Variants in CPXM2 observed in about 807,000 individuals in gnomAD.
CPXM2 encodes carboxypeptidase X, M14 family member 2.
A neutral mutation model predicts 86.1 loss-of-function variants in CPXM2; 66 were observed. The ratio of observed to expected loss-of-function variants is 0.77; its 90% confidence interval spans 0.63 to 0.94. The LOEUF is 0.94. CPXM2 is among the 40% of genes least tolerant of loss of function. The probability of loss-of-function intolerance (pLI) is 0.00; values close to 1 mark genes in which losing one functional copy is unlikely to be tolerated. For missense variants in CPXM2, 948 were observed against 1,026.3 expected (o/e 0.92, Z 1.04); for synonymous variants, 388 against 400.2 (o/e 0.97, Z 0.36).
chr10:123,775,301 C>T (rs1305210988), intron 7 of CPXM2, among the ~76,000 whole-genome samples: 1 of 152,236 alleles, frequency 6.6e-6, no homozygotes, highest in Non-Finnish European at 1.5e-5. Context: ...CAGCCAACAG[C>T]ATCGACCTTA....
At chr10:123,787,938 T>C (rs1287821951) in intron 6 of CPXM2, among the ~76,000 whole-genome samples, 1 of 152,112 alleles carries the variant, frequency 6.6e-6, no homozygotes, top group Non-Finnish European at 1.5e-5. Flanking sequence ...TTTCTCTCTC[T>C]TCTTTTCTTA....
intron 9 of CPXM2, 48 bp downstream of exon 9, chr10:123,768,478 G>A (rs376056113): frequency 1.7e-5 from 25 of 1,505,566 alleles, no homozygotes; most frequent in Non-Finnish European, 2.1e-5. Context: ...CTGGAGCTGG[G>A]GCCTCGCTGC....
chr10:123,758,191 C>T (rs543971026), intron 11 of CPXM2, among the ~76,000 whole-genome samples: 62 of 152,186 alleles, frequency 4.1e-4, no homozygotes, highest in South Asian at 2.7e-3. Context: ...TTCCTAGGGC[C>T]GCTGTTATAA....
intron 13 of CPXM2, among the ~76,000 whole-genome samples, chr10:123,749,221 G>A (rs1050960425): frequency 6.6e-6 from 1 of 152,076 alleles, no homozygotes; most frequent in Non-Finnish European, 1.5e-5. Context: ...GCCCCTGGAA[G>A]CAAACCTCTC....
intron 4 of CPXM2, among the ~76,000 whole-genome samples, chr10:123,818,137 C>T (rs188394350): frequency 2.9e-4 from 44 of 152,302 alleles, no homozygotes; most frequent in Admixed American, 1.0e-3. Context: ...TGTGAGTGTT[C>T]ACCAACAGGT....
intron 2 of CPXM2, among the ~76,000 whole-genome samples, chr10:123,873,863 T>C (rs979404517): frequency 2.9e-4 from 42 of 147,140 alleles, no homozygotes; most frequent in African/African-American, 1.1e-3. Flanking sequence ...TTTCTTTTTT[T>C]TTTTTTTTTT....
At chr10:123,788,995 A>G (rs1033629501) in intron 6 of CPXM2, among the ~76,000 whole-genome samples, 19 of 151,392 alleles carry the variant, frequency 1.3e-4, no homozygotes, top group Admixed American at 9.2e-4. Flanking sequence ...CCAGCCTCCC[A>G]CCCAAGGAGC....
intron 7 of CPXM2, among the ~76,000 whole-genome samples, chr10:123,779,578 G>T (rs1012193316): frequency 2.6e-5 from 4 of 152,156 alleles, no homozygotes; most frequent in African/African-American, 9.7e-5. Context: ...ACTTTAATTG[G>T]CCTGAGACGG....
chr10:123,924,693 A>C (rs898860459), intron 2 of CPXM2, among the ~76,000 whole-genome samples: 13 of 152,144 alleles, frequency 8.5e-5, no homozygotes, highest in Non-Finnish European at 1.6e-4. Context: ...GAGGATGCAG[A>C]GTGGCGGTGG....
At chr10:123,830,872 C>CTCTCTGTGTGTGTGTGTGTGTGTG (rs1258897184) in intron 4 of CPXM2, among the ~76,000 whole-genome samples, 4 of 142,802 alleles carry the variant, frequency 2.8e-5, no homozygotes, top group African/African-American at 1.1e-4. Flanking sequence ...CTCTCTCTCT[C>CTCTCTGTGTGTGTGTGTGTGTGTG]TGTGTGTGTG....
At chr10:123,864,478 C>A (rs1488292800) in intron 2 of CPXM2, among the ~76,000 whole-genome samples, 1 of 152,234 alleles carries the variant, frequency 6.6e-6, no homozygotes, top group African/African-American at 2.4e-5. Context: ...AACAGTCCCA[C>A]ATAACCAAGC....
At chr10:123,817,635 A>T (rs1847839570) in intron 4 of CPXM2, among the ~76,000 whole-genome samples, 1 of 152,170 alleles carries the variant, frequency 6.6e-6, no homozygotes, top group Admixed American at 6.5e-5. Flanking sequence ...GCTCCTAAAG[A>T]CACAAGTAAG....
In CPXM2 at chr10:123,768,537, C is replaced by T; in HGVS notation, c.1288G>A (p.Ala430Thr). ...GCCAGGGCCATTACCCCTTCGTAGG[C>T]CTTCTCGTAGCCATCGGGGTTGAGG... ...PSLNPDGYEK[A>T]YEGGSELGGW... Residue 430 changes from alanine to threonine, a missense_variant, in exon 9 of 14, where the codon GCC becomes ACC. Coordinates refer to ENST00000241305, the MANE Select transcript of CPXM2 (RefSeq NM_198148.3). The T allele has an allele frequency of 6.2e-7, 1 of 1,613,198 alleles. No individual in the cohort carries two copies. Among genetic ancestry groups the T allele is most frequent in the Non-Finnish European group, 8.5e-7 (1 of 1,179,512 alleles).
intron 4 of CPXM2, among the ~76,000 whole-genome samples, chr10:123,830,872 C>CTCTCTGTGTGTGTGTGTGTGTG (rs1258897184): frequency 7.0e-6 from 1 of 142,798 alleles, no homozygotes; most frequent in African/African-American, 2.6e-5. Flanking sequence ...CTCTCTCTCT[C>CTCTCTGTGTGTGTGTGTGTGTG]TGTGTGTGTG....
chr10:123,794,768 T>TGTGTGC (rs1178311325), intron 6 of CPXM2, among the ~76,000 whole-genome samples: 4 of 147,602 alleles, frequency 2.7e-5, no homozygotes, highest in African/African-American at 1.0e-4. Flanking sequence ...TGTGTGTGTG[T>TGTGTGC]GCGCATGTGT....
At chr10:123,918,793 C>T (rs1203041101) in intron 2 of CPXM2, among the ~76,000 whole-genome samples, 1 of 152,148 alleles carries the variant, frequency 6.6e-6, no homozygotes, top group African/African-American at 2.4e-5. Flanking sequence ...AAATTATTTC[C>T]TCTGACTAGA....
chr10:123,932,817 C>T (rs1349424975), intron 2 of CPXM2, among the ~76,000 whole-genome samples: 1 of 152,156 alleles, frequency 6.6e-6, no homozygotes, highest in East Asian at 1.9e-4. Flanking sequence ...ACAGCAAGGG[C>T]TCCAACAGGG....
In CPXM2 at chr10:123,767,099, G is replaced by A. The variant is rs1169880204; in HGVS notation, c.1353C>T (p.Asp451=). ...SLGRWTHDGI[D]INNNFPDLNT... is the part of the protein sequence containing the mutation. ...TTAAATCAGGAAAGTTGTTGTTGATGTCAATTCCATCGTGGGTCCAGCGTC... is the reference window on the plus strand; with the variant it reads ...TTAAATCAGGAAAGTTGTTGTTGATATCAATTCCATCGTGGGTCCAGCGTC... Residue 451 remains aspartate, a synonymous_variant, in exon 10 of 14, where the codon GAC becomes GAT. Coordinates refer to ENST00000241305, the MANE Select transcript of CPXM2 (RefSeq NM_198148.3). The A allele has an allele frequency of 6.2e-7, 1 of 1,614,208 alleles. No homozygotes were observed. Among genetic ancestry groups the A allele is most frequent in the Non-Finnish European group, 8.5e-7 (1 of 1,180,040 alleles).
chr10:123,757,926 T>C (rs1846250072), intron 11 of CPXM2, among the ~76,000 whole-genome samples: 1 of 152,086 alleles, frequency 6.6e-6, no homozygotes, highest in Non-Finnish European at 1.5e-5. Context: ...ATTTTACAAA[T>C]AGGAAAATTG....
Sources: gnomAD v4.1 joint callset for allele counts (sites outside exome capture counted in the v4.1 genomes callset) on GRCh38, gnomAD v4.1.1 for gene constraint, MANE v1.5 for transcripts, NCBI Gene and HGNC (gene_info 2026-07-23, HGNC 2026-07-21) for gene names.